The following SH3GL1 variants were observed in gnomAD, a reference collection of about 807,000 sequenced individuals.
SH3GL1 encodes the protein endophilin-A2.
In SH3GL1, 21 loss-of-function variants were observed where a neutral mutation model predicts 48.8. The ratio of observed to expected loss-of-function variants is 0.43; its 90% CI spans 0.30 to 0.62. SH3GL1 has a LOEUF of 0.62. Among genes scored for constraint, SH3GL1 ranks in the 20% least tolerant of loss-of-function variants. The pLI is 0.11. For synonymous variants in SH3GL1, 282 were observed against 217.5 expected (o/e 1.30, Z -2.61); for missense variants, 454 against 503.0 (o/e 0.90, Z 0.93).
chr19:4,398,598 C>G (rs1973464010), intron 1 of SH3GL1, among the ~76,000 whole-genome samples: 2 of 152,106 alleles, frequency 1.3e-5, no homozygotes, highest in Admixed American at 6.5e-5. Context: ...CTCTCAAACT[C>G]CTGGCTTCAA....
intron 1 of SH3GL1, among the ~76,000 whole-genome samples, chr19:4,374,737 T>TGGCCCCTG (rs984695306): frequency 6.6e-6 from 1 of 152,200 alleles, no homozygotes; most frequent in Non-Finnish European, 1.5e-5. Context: ...GGCTCTGGCC[T>TGGCCCCTG]GGCCCCTGGG....
rs771734638 is a variant in SH3GL1 at position 4,362,655 on chromosome 19, C to G, written c.810G>C (p.Gln270His). ...TGGTGCAGGGGAAGCCCCCGTTGGACTGCTCAGGCTCTCCAAGGTCAAAGG... is the reference window on the plus strand; with the variant it reads ...TGGTGCAGGGGAAGCCCCCGTTGGAGTGCTCAGGCTCTCCAAGGTCAAAGG... ...REPFDLGEPE[Q>H]SNGGFPCTTA... Residue 270 changes from glutamine to histidine, a missense_variant, in exon 8 of 10, where the codon CAG becomes CAC. This residue lies in a region of SH3GL1 where 278 missense variants were observed against 246.8 expected (regional missense o/e 1.13). Transcript: ENST00000269886. The G allele has an allele frequency of 3.1e-6, 5 of 1,613,996 alleles. No individual in the cohort carries two copies. Among genetic ancestry groups the G allele is most frequent in the Middle Eastern group, 1.7e-4 (1 of 5,996 alleles).
chr19:4,372,731 C>T (rs1395561180), intron 1 of SH3GL1, among the ~76,000 whole-genome samples: 1 of 152,186 alleles, frequency 6.6e-6, no homozygotes, highest in Non-Finnish European at 1.5e-5. Context: ...GTCAAAAAGT[C>T]GAAGACGCGC....
intron 1 of SH3GL1, among the ~76,000 whole-genome samples, chr19:4,382,901 T>C (rs1411513637): frequency 2.6e-5 from 4 of 152,182 alleles, no homozygotes; most frequent in Admixed American, 2.6e-4. Flanking sequence ...ATGGTCACTA[T>C]GTAACCCAGT....
chr19:4,389,390 CA>C lies in SH3GL1; in HGVS notation c.45+10933del, dbSNP rs929992907. 2.0e-5 allele frequency among the ~76,000 whole-genome samples: 3 copies of C among 151,744 alleles called. No homozygotes were observed. The highest frequency in any genetic ancestry group is 7.3e-5 in the African/African-American group (3 of 41,264). On this transcript the variant is annotated intron_variant, in intron 1 of 9. Transcript: ENST00000269886. This position sits in a 1 kb window ranked among gnomAD's most constrained non-coding sequence, Gnocchi z 4.5. ...AGATAGAAACGCGTTCGTTATAGGGCAGACAGGAAGTGGAGAGAAAATGAGG... is the reference window on the plus strand; with the variant it reads ...AGATAGAAACGCGTTCGTTATAGGGCGACAGGAAGTGGAGAGAAAATGAGG...
intron 8 of SH3GL1, 71 bp downstream of exon 8, chr19:4,362,541 G>A (rs1314142268): frequency 6.2e-7 from 1 of 1,605,270 alleles, no homozygotes; most frequent in South Asian, 1.1e-5. Flanking sequence ...AGAGACCCAG[G>A]ACAGGGCCAG....
chr19:4,394,851 G>A (rs1042747327), intron 1 of SH3GL1, among the ~76,000 whole-genome samples: 2 of 152,182 alleles, frequency 1.3e-5, no homozygotes, highest in Non-Finnish European at 1.5e-5. Context: ...CTTTGCAGCG[G>A]GGGGAAGCTG....
intron 1 of SH3GL1, among the ~76,000 whole-genome samples, chr19:4,399,902 T>C (rs887375833): frequency 3.3e-5 from 5 of 152,210 alleles, no homozygotes; most frequent in African/African-American, 7.2e-5. Context: ...TTCAACTTTG[T>C]ACCTTGCCCA....
intron 1 of SH3GL1, among the ~76,000 whole-genome samples, chr19:4,382,407 A>G (rs1393045079): frequency 1.3e-5 from 2 of 151,454 alleles, no homozygotes; most frequent in African/African-American, 2.4e-5. Context: ...ACAGGCGCCC[A>G]CTACCACGCC....
chr19:4,360,707 G>A lies in SH3GL1; in HGVS notation c.*893C>T, dbSNP rs1464744870. ...TGAAGTGGCAGCGGCTCAGCAAGGG[G>A]AGCCTGGCCACCAGGGGCTGGGACA... On this transcript the variant is annotated 3_prime_UTR_variant, in exon 10 of 10. Transcript: ENST00000269886. 8.6e-6 allele frequency: 2 copies of A among 233,428 alleles called. No individual in the cohort carries two copies. Among genetic ancestry groups the A allele is most frequent in the Non-Finnish European group, 1.7e-5 (2 of 118,268 alleles). 14.5% of individuals were successfully genotyped at this position (233,428 alleles called of 1,614,324 possible). A position where few individuals can be genotyped will look rare whatever the true frequency, so the allele number is the denominator to read the frequency against.
intron 8 of SH3GL1, 56 bp downstream of exon 8, chr19:4,362,556 T>G: frequency 6.2e-7 from 1 of 1,609,942 alleles, no homozygotes; most frequent in African/African-American, 1.3e-5. Flanking sequence ...GGCCAGCCCT[T>G]GGCCACTCCC....
At position 4,361,953 on chromosome 19, in the gene SH3GL1, G is replaced by C. The variant is rs1435766717; in HGVS notation, c.911-157C>G. ...CCTGCCCCTGCCACTTCTGGGGTCCGGCCTCTACTGCCACCCAGGAGGGAG... is the reference window on the plus strand; with the variant it reads ...CCTGCCCCTGCCACTTCTGGGGTCCCGCCTCTACTGCCACCCAGGAGGGAG... On this transcript the variant is annotated intron_variant, in intron 9 of 9. Transcript: ENST00000269886. Among the ~76,000 whole-genome samples the C allele has an allele frequency of 2.0e-5, 3 of 151,676 alleles. No individual in the cohort carries two copies. In the South Asian group the frequency reaches 6.2e-4, roughly 32 times the overall value.
In SH3GL1 at chr19:4,392,568, AC is replaced by A. The variant is rs1248385267; in HGVS notation, c.45+7755del. ...CACACACACACACACACACACACAC[AC>A]AAAAGATCATTCCATGTTTATGGCT... is the stretch of plus-strand genomic sequence containing the variant. On this transcript the variant is annotated intron_variant, in intron 1 of 9. Transcript: ENST00000269886. 6.0e-3 allele frequency among the ~76,000 whole-genome samples: 816 copies of A among 136,806 alleles called. 10 individuals carry two copies. The highest frequency in any genetic ancestry group is 0.02 in the African/African-American group (694 of 35,284). The allele number at this position is 136,806 out of a possible 152,430, so 89.8% of individuals were successfully genotyped here.
At chr19:4,388,253 G>A (rs1973272134) in intron 1 of SH3GL1, among the ~76,000 whole-genome samples, 1 of 152,214 alleles carries the variant, frequency 6.6e-6, no homozygotes, top group Non-Finnish European at 1.5e-5. Flanking sequence ...TAAGAGGAAA[G>A]AGGCCGAATC....
intron 1 of SH3GL1, among the ~76,000 whole-genome samples, chr19:4,378,530 C>T (rs1382858787): frequency 1.3e-5 from 2 of 152,052 alleles, no homozygotes; most frequent in Admixed American, 1.3e-4. Flanking sequence ...GCCTGACCAA[C>T]AGGGAGAAAC....
chr19:4,400,461 C>G lies in SH3GL1; in HGVS notation c.-93G>C. 4.4e-6 allele frequency: 5 copies of G among 1,140,926 alleles called. No individual in the cohort carries two copies. The highest frequency in any genetic ancestry group is 5.5e-6 in the Non-Finnish European group (5 of 911,502). 70.7% of individuals were successfully genotyped at this position (1,140,926 alleles called of 1,614,324 possible). A position where few individuals can be genotyped will look rare whatever the true frequency, so the allele number is the denominator to read the frequency against. ...CTCTGCGCGCCTCAGCAGTCCCCGT[C>G]GGCGCCGCCTCCGCCACCCGCTTGC... On this transcript the variant is annotated 5_prime_UTR_variant, in exon 1 of 10. Transcript: ENST00000269886. This position sits in a 1 kb window ranked among gnomAD's most constrained non-coding sequence, Gnocchi z 4.1.
intron 1 of SH3GL1, among the ~76,000 whole-genome samples, chr19:4,370,880 C>T (rs926456637): frequency 1.3e-5 from 2 of 152,248 alleles, no homozygotes; most frequent in East Asian, 1.9e-4. Flanking sequence ...TGTTGCCTGC[C>T]GGACACTTCC....
rs543056354 is a variant in SH3GL1 at position 4,367,148 on chromosome 19, C to A, written c.46-154G>T. On this transcript the variant is annotated intron_variant, in intron 1 of 9. Coordinates refer to ENST00000269886, the MANE Select transcript of SH3GL1 (RefSeq NM_003025.4). This position sits in a 1 kb window ranked among gnomAD's most constrained non-coding sequence, Gnocchi z 4.2. ...CACACCTCAGGCACTGCCGTGGGCA[C>A]CCCAGGGCCACACGCTGCCTGCAGA... is the stretch of plus-strand genomic sequence containing the variant. Among the ~76,000 whole-genome samples the A allele has an allele frequency of 6.6e-6, 1 of 152,132 alleles. No homozygotes were observed.
intron 4 of SH3GL1, among the ~76,000 whole-genome samples, chr19:4,364,865 A>AGAG (rs1457406779): frequency 2.4e-5 from 1 of 42,078 alleles, no homozygotes; most frequent in African/African-American, 1.1e-4. Context: ...CACCCGGCTA[A>AGAG]TTGTGTGTGT....
Sources: allele counts gnomAD v4.1 joint callset (sites outside exome capture counted in the v4.1 genomes callset), GRCh38; gene constraint gnomAD v4.1.1; regional missense constraint gnomAD v4.1.1; non-coding constraint Gnocchi (gnomAD v3.1); transcripts MANE v1.5; gene names NCBI Gene and HGNC (gene_info 2026-07-23, HGNC 2026-07-21).